AKAP13: variants seen among roughly 807,000 people sequenced by gnomAD.
AKAP13 encodes A-kinase anchoring protein 13, also known as A-kinase anchor protein 13.
A neutral mutation model predicts 264.5 loss-of-function variants in AKAP13; 80 were observed. The observed-to-expected ratio is 0.30, with a 90% confidence interval of 0.25 to 0.36. The LOEUF (loss-of-function observed/expected upper bound fraction) is 0.36. Ranked by LOEUF, AKAP13 falls within the 10% of genes least tolerant of loss-of-function variation. The probability of loss-of-function intolerance (pLI) is 1.00; values close to 1 mark genes in which losing one functional copy is unlikely to be tolerated. For synonymous variants in AKAP13, 1,380 were observed against 1,250.2 expected (o/e 1.10, Z -2.19); for missense variants, 3,712 against 3,435.2 (o/e 1.08, Z -2.01).
chr15:85,624,916 C>G (rs1341372340), intron 8 of AKAP13, among the ~76,000 whole-genome samples: 2 of 152,294 alleles, frequency 1.3e-5, no homozygotes, highest in East Asian at 3.9e-4. Context: ...ATAGGTCTGG[C>G]ATTTCTTCTG....
chr15:85,408,568 A>G (rs2071790297), intron 1 of AKAP13, among the ~76,000 whole-genome samples: 1 of 151,838 alleles, frequency 6.6e-6, no homozygotes, highest in African/African-American at 2.4e-5. Flanking sequence ...TGTAAATGAT[A>G]CCACACAGTC....
At chr15:85,602,073 C>T (rs1261706549) in intron 8 of AKAP13, among the ~76,000 whole-genome samples, 1 of 151,964 alleles carries the variant, frequency 6.6e-6, no homozygotes, top group East Asian at 1.9e-4. Flanking sequence ...AAAGGGAGAA[C>T]TACCTTAATA....
intron 1 of AKAP13, among the ~76,000 whole-genome samples, chr15:85,441,290 G>T (rs939498279): frequency 2.0e-5 from 3 of 151,724 alleles, no homozygotes; most frequent in Admixed American, 6.6e-5. Flanking sequence ...TTTGCCATTT[G>T]TTTATTTTCT....
Position 85,579,959 on chromosome 15 carries a change from C to T in AKAP13, c.1891C>T (p.Pro631Ser), listed in dbSNP as rs370810318. Residue 631 changes from proline to serine, a missense_variant, in exon 7 of 37, where the codon CCA (proline) becomes TCA (serine). By Grantham distance (74) the Pro-to-Ser change is moderately conservative (BLOSUM62 -1). Coordinates refer to ENST00000394518, the MANE Select transcript of AKAP13 (RefSeq NM_007200.5). ...ALLGLEEDVMPHQNSETNSSH... is the reference protein window; with the variant it reads ...ALLGLEEDVMSHQNSETNSSH... ...TCTTGGGCTGGAAGAAGATGTAATG[C>T]CACACCAGAACTCAGAAACAAATTC... 8.1e-6 allele frequency: 13 copies of T among 1,614,160 alleles called. No homozygotes were observed. In the South Asian group the frequency reaches 9.9e-5, roughly 12 times the overall value.
chr15:85,682,841 A>T (rs963005868), intron 15 of AKAP13, among the ~76,000 whole-genome samples: 1 of 151,938 alleles, frequency 6.6e-6, no homozygotes, highest in South Asian at 2.1e-4. Flanking sequence ...CTAATTTTGT[A>T]TTTTTAGTAG....
intron 2 of AKAP13, among the ~76,000 whole-genome samples, chr15:85,506,097 G>A (rs1316481476): frequency 1.3e-5 from 2 of 152,162 alleles, no homozygotes; most frequent in East Asian, 3.9e-4. Context: ...AGGAGTTCAA[G>A]ACCAGTCTGG....
intron 18 of AKAP13, 153 bp from the exon 19 acceptor site, chr15:85,710,426 A>T: frequency 1.7e-6 from 1 of 603,228 alleles, no homozygotes; most frequent in Non-Finnish European, 2.9e-6. Flanking sequence ...AGAGGATGGC[A>T]ATTGGGGGCG....
rs2081933210 is a variant in AKAP13, at chr15:85,633,367, G to GC, written c.4162-6006dup. On this transcript the variant is annotated intron_variant, in intron 8 of 36. Coordinates refer to ENST00000394518, the MANE Select transcript of AKAP13 (RefSeq NM_007200.5). ...TCTTCTTATTACAGGAATAATAGGG[G>GC]CGGGGGGGGAGTAATTTTTTCCCTT... 3.4e-5 allele frequency among the ~76,000 whole-genome samples: 4 copies of GC among 117,518 alleles called. No homozygotes were observed. In the South Asian group the frequency reaches 1.1e-3, roughly 33 times the overall value. The allele number at this position is 117,518 out of a possible 152,430, so 77.1% of individuals were successfully genotyped here.
chr15:85,437,394 A>G lies in AKAP13; in HGVS notation c.-11-48316A>G, dbSNP rs376919495. Among the ~76,000 whole-genome samples, 13 of 152,352 alleles carry G rather than the reference A, an allele frequency of 8.5e-5. No individual in the cohort carries two copies. The East Asian group carries it at 1.9e-3, about 23-fold the overall frequency. Reference sequence around the variant, plus strand: ...ACAGCTGAATTCTACCAGAGACACAAGGAGGAACTGGTACCATTCCTTCTG... The same window carrying G: ...ACAGCTGAATTCTACCAGAGACACAGGGAGGAACTGGTACCATTCCTTCTG... On this transcript the variant is annotated intron_variant, in intron 1 of 36. Transcript: ENST00000394518.
chr15:85,401,914 CACTG>C (rs200872875), intron 1 of AKAP13, among the ~76,000 whole-genome samples: 92 of 152,224 alleles, frequency 6.0e-4, no homozygotes, highest in African/African-American at 2.1e-3. Context: ...GATGGAAACT[CACTG>C]ACTGGTAGAA....
intron 17 of AKAP13, among the ~76,000 whole-genome samples, chr15:85,706,944 A>G (rs2086308585): frequency 6.6e-6 from 1 of 152,174 alleles, no homozygotes; most frequent in African/African-American, 2.4e-5. Flanking sequence ...CCTCCCCATC[A>G]TCACTCCAGT....
At chr15:85,535,965 G>C (rs2077381571) in intron 4 of AKAP13, 1 of 152,020 alleles carries the variant, frequency 6.6e-6, no homozygotes, top group South Asian at 2.1e-4. Context: ...ACACCCTGCT[G>C]CTTTTTTGTG....
Position 85,747,155 on chromosome 15 carries a change from A to G in AKAP13, c.*2478A>G, listed in dbSNP as rs964999858. On this transcript the variant is annotated 3_prime_UTR_variant, in exon 37 of 37. Transcript: ENST00000394518. Reference sequence around the variant, plus strand: ...GCCCGGAATTCCCTCAAACCACCCAACTTCATCCAGGAATACAGTCTGCAG... The same window carrying G: ...GCCCGGAATTCCCTCAAACCACCCAGCTTCATCCAGGAATACAGTCTGCAG... 3 of 152,132 alleles carry G rather than the reference A, an allele frequency of 2.0e-5. No individual in the cohort carries two copies. In the South Asian group the frequency reaches 6.2e-4, roughly 32 times the overall value. 9.4% of individuals were successfully genotyped at this position (152,132 alleles called of 1,614,324 possible).
intron 16 of AKAP13, among the ~76,000 whole-genome samples, chr15:85,692,579 G>A (rs527551991): frequency 1.3e-5 from 2 of 152,180 alleles, no homozygotes; most frequent in East Asian, 1.9e-4. Context: ...ACCATCGTCC[G>A]TATTCTTAAC....
At chr15:85,486,591 G>A (rs1242955141) in intron 2 of AKAP13, among the ~76,000 whole-genome samples, 1 of 152,002 alleles carries the variant, frequency 6.6e-6, no homozygotes, top group Non-Finnish European at 1.5e-5. Context: ...CTCTGAAGTC[G>A]ATTCCTTTCA....
chr15:85,601,512 G>T (rs936983896), intron 8 of AKAP13, among the ~76,000 whole-genome samples: 1 of 151,708 alleles, frequency 6.6e-6, no homozygotes, highest in Admixed American at 6.6e-5. Context: ...CCCAAAATAA[G>T]AAAAGCTTTT....
At chr15:85,534,094 G>C (rs889259735) in intron 4 of AKAP13, 2 of 517,828 alleles carry the variant, frequency 3.9e-6, no homozygotes, top group Non-Finnish European at 6.6e-6. Context: ...TGACCCTAGG[G>C]ATTACCCAAG....
chr15:85,444,926 T>A (rs1236276622), intron 1 of AKAP13, among the ~76,000 whole-genome samples: 1 of 152,144 alleles, frequency 6.6e-6, no homozygotes, highest in Non-Finnish European at 1.5e-5. Flanking sequence ...TGAAATCTGT[T>A]TTTTAGCTGA....
rs373476329 is a variant in AKAP13 at position 85,645,896 on chromosome 15, G to A, written c.4316G>A (p.Ser1439Asn). The change falls in exon 10 of 37, where the codon AGT becomes AAT. Residue 1439 changes from serine to asparagine, a missense_variant. By Grantham distance (46) the Ser-to-Asn change is conservative. Around this residue, in one of 3 missense-constraint regions of AKAP13, gnomAD observed 2,759 missense variants for 2,411.7 expected, o/e 1.14. Transcript: ENST00000394518. ...KQGVLKRESG[S>N]DSDLFHSPSD... ...GGTGTACTTAAAAGAGAATCTGGGAGTGATTCTGACCTCTTTCACTCACCC... is the reference window on the plus strand; with the variant it reads ...GGTGTACTTAAAAGAGAATCTGGGAATGATTCTGACCTCTTTCACTCACCC... 2 of 1,613,634 alleles carry A rather than the reference G, an allele frequency of 1.2e-6. No individual in the cohort carries two copies. Among genetic ancestry groups the A allele is most frequent in the South Asian group, 1.1e-5 (1 of 91,082 alleles).
Sources: gnomAD v4.1 joint callset for allele counts (sites outside exome capture counted in the v4.1 genomes callset) on GRCh38, gnomAD v4.1.1 for gene constraint, gnomAD v4.1.1 regional missense constraint, MANE v1.5 for transcripts, NCBI Gene and HGNC (gene_info 2026-07-23, HGNC 2026-07-21) for gene names.